SPECC1: variants seen among roughly 807,000 people sequenced by gnomAD.
SPECC1 encodes the protein sperm antigen with calponin homology and coiled-coil domains 1, also known as cytospin-B.
SPECC1 carries 62 observed loss-of-function variants against 104.1 expected under a neutral mutation model. That is an observed-to-expected ratio of 0.60 (90% CI 0.49 to 0.74). The LOEUF (loss-of-function observed/expected upper bound fraction) is 0.74, where lower values mean the gene tolerates loss of function less well. Among genes scored for constraint, SPECC1 ranks in the 30% least tolerant of loss-of-function variants. SPECC1 has a pLI of 0.00. For synonymous variants in SPECC1, 513 were observed against 501.6 expected (o/e 1.02, Z -0.30); for missense variants, 1,306 against 1,310.5 (o/e 1.00, Z 0.05).
intron 1 of SPECC1, chr17:20,073,586 C>G (rs149158123): frequency 6.6e-6 from 1 of 152,158 alleles, no homozygotes; most frequent in South Asian, 2.1e-4. Flanking sequence ...GCTCTCTGCC[C>G]GGCCCCCTCC....
chr17:20,197,202 G>A (rs1378229602), intron 3 of SPECC1, among the ~76,000 whole-genome samples: 1 of 152,200 alleles, frequency 6.6e-6, no homozygotes, highest in Non-Finnish European at 1.5e-5. Context: ...TTCCCAAGGA[G>A]TTCAGGCTGT....
intron 3 of SPECC1, among the ~76,000 whole-genome samples, chr17:20,158,516 C>T (rs1185549373): frequency 6.6e-6 from 1 of 152,188 alleles, no homozygotes; most frequent in African/African-American, 2.4e-5. Context: ...TGATGCAGAC[C>T]TGAAGTCTTG....
At chr17:20,308,018 T>G (rs1186653116) in intron 14 of SPECC1, among the ~76,000 whole-genome samples, 1 of 152,162 alleles carries the variant, frequency 6.6e-6, no homozygotes, top group Non-Finnish European at 1.5e-5. Flanking sequence ...ATGATGATGA[T>G]GAATGGTCAA....
intron 2 of SPECC1, among the ~76,000 whole-genome samples, chr17:20,100,715 G>C (rs2047906232): frequency 6.6e-6 from 1 of 152,114 alleles, no homozygotes; most frequent in African/African-American, 2.4e-5. Flanking sequence ...TGTTACATAG[G>C]TATAAATGTG....
intron 3 of SPECC1, among the ~76,000 whole-genome samples, chr17:20,158,036 T>C (rs1460796516): frequency 6.6e-6 from 1 of 152,248 alleles, no homozygotes; most frequent in Non-Finnish European, 1.5e-5. Flanking sequence ...CTTCTAATGC[T>C]GTGATGAAAT....
At chr17:20,122,186 G>A (rs1043734726) in intron 3 of SPECC1, among the ~76,000 whole-genome samples, 10 of 152,112 alleles carry the variant, frequency 6.6e-5, no homozygotes, top group Non-Finnish European at 1.3e-4. Context: ...AGAAAGATGG[G>A]GGAGCTTGCG....
At chr17:20,307,182 G>A (rs1326869252) in intron 14 of SPECC1, among the ~76,000 whole-genome samples, 1 of 152,096 alleles carries the variant, frequency 6.6e-6, no homozygotes, top group African/African-American at 2.4e-5. Flanking sequence ...AAAATATAAT[G>A]GTAAGGTTGA....
rs553597763 is a variant in SPECC1, at chr17:20,235,528, T to C, written c.2351+3123T>C. Among the ~76,000 whole-genome samples, 3 of 152,286 alleles carry C rather than the reference T, an allele frequency of 2.0e-5. No homozygotes were observed. In the South Asian group the frequency reaches 6.2e-4, roughly 32 times the overall value. On this transcript the variant is annotated intron_variant, in intron 7 of 14. Transcript: ENST00000395527. The stretch of plus-strand genomic sequence containing the variant: ...AACAGAAAAAACACAGGCAGCTCAA[T>C]GTAATGATATATTGTGCCGCATACA...
chr17:20,099,549 G>C (rs543420342), intron 2 of SPECC1, among the ~76,000 whole-genome samples: 4 of 146,878 alleles, frequency 2.7e-5, no homozygotes, highest in African/African-American at 1.0e-4. Context: ...ATTAGCCTTA[G>C]CCGGGCGTGG....
chr17:20,172,162 G>A (rs1480981174), intron 3 of SPECC1, among the ~76,000 whole-genome samples: 5 of 152,168 alleles, frequency 3.3e-5, no homozygotes, highest in African/African-American at 1.2e-4. Flanking sequence ...CCTGTGGAAG[G>A]TGTGTGGGCC....
rs201882965 is a variant in SPECC1 at position 20,114,089 on chromosome 17, A to C, written c.283+3527A>C. Among the ~76,000 whole-genome samples the C allele has an allele frequency of 5.9e-5, 9 of 152,342 alleles. No homozygotes were observed. The East Asian group carries it at 1.5e-3, about 26-fold the overall frequency. On this transcript the variant is annotated intron_variant, in intron 3 of 14. Transcript: ENST00000395527. ...TATATTTGATTACAGCCACCAAAAA[A>C]GTATATATAAAGAAAGTAAAAATAA...
At chr17:20,156,615 G>A (rs2032572899) in intron 3 of SPECC1, among the ~76,000 whole-genome samples, 1 of 152,064 alleles carries the variant, frequency 6.6e-6, no homozygotes, top group Non-Finnish European at 1.5e-5. Context: ...CTCCCTGTCG[G>A]CCGCCGGCCC....
intron 12 of SPECC1, among the ~76,000 whole-genome samples, chr17:20,274,054 C>G (rs917414406): frequency 6.6e-6 from 1 of 152,108 alleles, no homozygotes; most frequent in East Asian, 1.9e-4. Context: ...TTCCAAGTAC[C>G]CTTTACATAT....
At chr17:20,158,577 C>T (rs1567886778) in intron 3 of SPECC1, among the ~76,000 whole-genome samples, 1 of 152,162 alleles carries the variant, frequency 6.6e-6, no homozygotes, top group East Asian at 1.9e-4. Flanking sequence ...AGAGGGGTCT[C>T]AGGTTGGGCA....
chr17:20,260,918 C>G (rs996040453), intron 12 of SPECC1, among the ~76,000 whole-genome samples: 1 of 152,062 alleles, frequency 6.6e-6, no homozygotes, highest in African/African-American at 2.4e-5. Context: ...GGCAGCAAGG[C>G]TGTAAATCAG....
intron 10 of SPECC1, among the ~76,000 whole-genome samples, chr17:20,254,134 C>CCTGT (rs1555639511): frequency 7.4e-6 from 1 of 135,898 alleles, no homozygotes; most frequent in Non-Finnish European, 1.5e-5. Context: ...GTTGTTACAC[C>CCTGT]GTGTGTGTGT....
intron 7 of SPECC1, among the ~76,000 whole-genome samples, chr17:20,243,006 T>C (rs958718252): frequency 6.6e-6 from 1 of 152,190 alleles, no homozygotes. Flanking sequence ...ACCTATTTAA[T>C]GTGTGATGTA....
At chr17:20,230,339 C>T (rs2038494477) in intron 5 of SPECC1, among the ~76,000 whole-genome samples, 1 of 152,164 alleles carries the variant, frequency 6.6e-6, no homozygotes, top group Non-Finnish European at 1.5e-5. Flanking sequence ...ACAGCACCTG[C>T]CCCATTTCTC....
rs1442664347 is a variant in SPECC1, at chr17:20,312,820, A to G, written c.3118-1156A>G. On this transcript the variant is annotated intron_variant, in intron 14 of 14. Transcript: ENST00000395527. Reference sequence around the variant, plus strand: ...TTCCCATGACTAATGATAGGCTGATAATTTTTTAGCATCACCAGGGAGCAG... The same window carrying G: ...TTCCCATGACTAATGATAGGCTGATGATTTTTTAGCATCACCAGGGAGCAG... Among the ~76,000 whole-genome samples the G allele has an allele frequency of 2.0e-5, 3 of 152,208 alleles. No homozygotes were observed. The East Asian group carries it at 5.8e-4, about 29-fold the overall frequency.
Sources: allele counts gnomAD v4.1 joint callset (sites outside exome capture counted in the v4.1 genomes callset), GRCh38; gene constraint gnomAD v4.1.1; transcripts MANE v1.5; gene names NCBI Gene and HGNC (gene_info 2026-07-23, HGNC 2026-07-21).